Variants in GET4 observed in about 807,000 individuals in gnomAD.
GET4 encodes Golgi to ER traffic protein 4 homolog.
A neutral mutation model predicts 40.0 loss-of-function variants in GET4; 20 were observed. The observed-to-expected ratio is 0.50, with a 90% CI of 0.35 to 0.73. GET4 has a LOEUF of 0.73. Ranked by LOEUF, GET4 falls within the 30% of genes least tolerant of loss-of-function variation. The probability of loss-of-function intolerance (pLI) is 0.01; values close to 1 mark genes in which losing one functional copy is unlikely to be tolerated. For missense variants in GET4, 557 were observed against 454.0 expected, an observed-to-expected ratio of 1.23 and a Z score of -2.06; for synonymous variants, 280 against 194.6, an observed-to-expected ratio of 1.44 and a Z score of -3.65.
In GET4 at chr7:895,619, T is replaced by C. The variant is rs999277483; in HGVS notation, c.*197T>C. Reference sequence around the variant, plus strand: ...TCACTGTGCTGCTGGGACCCAAGAGTGGGGCGTCGCCCCTGCTGGCCGCCG... The same window carrying C: ...TCACTGTGCTGCTGGGACCCAAGAGCGGGGCGTCGCCCCTGCTGGCCGCCG... On this transcript the variant is annotated 3_prime_UTR_variant, in exon 9 of 9. Transcript: ENST00000265857. 2 of 439,794 alleles carry C rather than the reference T, an allele frequency of 4.5e-6. No individual in the cohort carries two copies. Among genetic ancestry groups the C allele is most frequent in the East Asian group, 3.7e-5 (1 of 27,378 alleles). 27.2% of individuals were successfully genotyped at this position (439,794 alleles called of 1,614,324 possible). A position where few individuals can be genotyped will look rare whatever the true frequency, so the allele number is the denominator to read the frequency against.
At chr7:878,542 C>T (rs1844015850) in intron 1 of GET4, among the ~76,000 whole-genome samples, 1 of 149,772 alleles carries the variant, frequency 6.7e-6, no homozygotes, top group Admixed American at 6.6e-5. Context: ...CAGTTTGGGC[C>T]TGGTTTTCAG....
In GET4 at chr7:876,786, G is replaced by C. The variant is rs765677102; in HGVS notation, c.141G>C (p.Arg47=). The part of the protein sequence containing the change: ...GDYYEAHQMY[R]TLFFRYMSQS... ...ACTACGAGGCGCACCAGATGTACCGGACCCTGTTCTTCAGGTACCCGCGCC... is the reference window on the plus strand; with the variant it reads ...ACTACGAGGCGCACCAGATGTACCGCACCCTGTTCTTCAGGTACCCGCGCC... The change falls in exon 1 of 9, where the codon CGG becomes CGC. Residue 47 remains arginine (R), a synonymous_variant. Transcript: ENST00000265857. The C allele has an allele frequency of 1.6e-6, 2 of 1,263,310 alleles. No individual in the cohort carries two copies. The highest frequency in any genetic ancestry group is 1.6e-5 in the African/African-American group (1 of 62,732). The allele number at this position is 1,263,310 out of a possible 1,614,324, so 78.3% of individuals were successfully genotyped here. A position where few individuals can be genotyped will look rare whatever the true frequency, so the allele number is the denominator to read the frequency against.
rs117800227 is a variant in GET4, at chr7:883,222, C to G, written c.156-2834C>G. On this transcript the variant is annotated intron_variant, in intron 1 of 8. Coordinates refer to ENST00000265857, the MANE Select transcript of GET4 (RefSeq NM_015949.3). ...AGCCCTGCGTCCGGGCGTGAGTGCG[C>G]TTTAGCTCGCGGCAGTCGGCGGAGG... 2,069 of 152,446 alleles carry G rather than the reference C, an allele frequency of 0.014. 59 individuals carry two copies. The East Asian group carries it at 0.14, about 10-fold the overall frequency. The allele number at this position is 152,446 out of a possible 1,614,324, so 9.4% of individuals were successfully genotyped here.
chr7:884,178 G>T (rs1048652075), intron 1 of GET4: 1 of 1,298,008 alleles, frequency 7.7e-7, no homozygotes, highest in Admixed American at 2.3e-5. Flanking sequence ...GCAGAAGCTG[G>T]TGTGGTGCTT....
chr7:885,766 C>T, intron 1 of GET4: 1 of 407,184 alleles, frequency 2.5e-6, no homozygotes, highest in Non-Finnish European at 4.5e-6. Context: ...CTTTCTGGTC[C>T]CAGCTACTGA....
chr7:894,097 T>C (rs1844411433), intron 8 of GET4, 126 bp downstream of exon 8: 1 of 598,036 alleles, frequency 1.7e-6, no homozygotes. Context: ...TAAATGTTTC[T>C]CAGTTTACTT....
chr7:893,889 T>G lies in GET4; in HGVS notation c.823-10T>G. 1.2e-6 allele frequency: 2 copies of G among 1,612,486 alleles called. No homozygotes were observed. The highest frequency in any genetic ancestry group is 1.7e-6 in the Non-Finnish European group (2 of 1,179,154). On this transcript the variant is annotated splice_polypyrimidine_tract_variant and intron_variant, in intron 7 of 8. Transcript: ENST00000265857. ...CCACCCCCTCTGAGCCCGCTGCCTG[T>G]GCCTTGCAGTACCTCGACCGCATAG...
In GET4 at chr7:877,272, C is replaced by T. The variant is rs542314212; in HGVS notation, c.155+472C>T. Among the ~76,000 whole-genome samples the T allele has an allele frequency of 1.9e-3, 280 of 147,374 alleles. 1 individual carries two copies. The highest frequency in any genetic ancestry group is 3.4e-3 in the Non-Finnish European group (224 of 66,336). Reference sequence around the variant, plus strand: ...CTCTCTCCCCGGCCTCTCCCGGCCCCTCGTCTCTCTGTCCTCGGCCTCTCC... The same window carrying T: ...CTCTCTCCCCGGCCTCTCCCGGCCCTTCGTCTCTCTGTCCTCGGCCTCTCC... On this transcript the variant is annotated intron_variant, in intron 1 of 8. Coordinates refer to ENST00000265857, the MANE Select transcript of GET4 (RefSeq NM_015949.3).
rs749535284 is a variant in GET4 at position 886,570 on chromosome 7, A to T, written c.236A>T (p.Gln79Leu). Residue 79 changes from glutamine to leucine, a missense_variant and splice_region_variant, in exon 3 of 9, where the codon CAA (glutamine) becomes CTA (leucine). By Grantham distance (113) the Gln-to-Leu change is moderately radical. Coordinates refer to ENST00000265857, the MANE Select transcript of GET4 (RefSeq NM_015949.3). ...CTTGTGTGTTGCTTTCTCTTGTAGC[A>T]AAACAGTGCAGCAGACTTGTCCATG... ...GALLFFSHGQ[Q>L]NSAADLSMLV... 1.6e-5 allele frequency: 26 copies of T among 1,610,544 alleles called. 1 individual carries two copies. Among genetic ancestry groups the T allele is most frequent in the Non-Finnish European group, 2.2e-5 (26 of 1,177,392 alleles).
chr7:882,307 C>G (rs1050174820), intron 1 of GET4: 1 of 152,240 alleles, frequency 6.6e-6, no homozygotes, highest in Non-Finnish European at 1.5e-5. Context: ...CAAGCGTTCC[C>G]AAGAGATGCC....
At chr7:877,117 C>T (rs904528447) in intron 1 of GET4, among the ~76,000 whole-genome samples, 1 of 151,758 alleles carries the variant, frequency 6.6e-6, no homozygotes, top group African/African-American at 2.4e-5. Flanking sequence ...GCCCCTCGGC[C>T]TTCCTCTGTC....
Position 886,151 on chromosome 7 carries a change from C to T in GET4, c.234+17C>T, listed in dbSNP as rs747527266. On this transcript the variant is annotated intron_variant, in intron 2 of 8. Coordinates refer to ENST00000265857, the MANE Select transcript of GET4 (RefSeq NM_015949.3). ...CATGGCCAGGTAAGCCGTCTTGCTT[C>T]CTCCTGCATCCCTTTCTGCTCCGGG... 5 of 1,518,122 alleles carry T rather than the reference C, an allele frequency of 3.3e-6. No individual in the cohort carries two copies. The highest frequency in any genetic ancestry group is 1.7e-5 in the Admixed American group (1 of 59,902). 94.0% of individuals were successfully genotyped at this position (1,518,122 alleles called of 1,614,324 possible).
Position 889,536 on chromosome 7 carries a change from C to T in GET4, c.467-1392C>T, listed in dbSNP as rs538887610. The stretch of plus-strand genomic sequence containing the variant: ...GGCCCTGGAGGCTCCTGTTGGGCAG[C>T]GCAGTCAGGAAAGGGCCCACTAGGT... On this transcript the variant is annotated intron_variant, in intron 4 of 8. Transcript: ENST00000265857. Among the ~76,000 whole-genome samples, 14 of 152,230 alleles carry T rather than the reference C, an allele frequency of 9.2e-5. No homozygotes were observed. The South Asian group carries it at 2.7e-3, about 29-fold the overall frequency.
At chr7:878,746 A>C (rs1844021151) in intron 1 of GET4, among the ~76,000 whole-genome samples, 1 of 151,726 alleles carries the variant, frequency 6.6e-6, no homozygotes, top group African/African-American at 2.4e-5. Context: ...ACCCCCGGCT[A>C]ATTTTTGTAT....
Position 887,474 on chromosome 7 carries a change from G to A in GET4, c.421G>A (p.Gly141Ser). ...GTCCAGTGGGGGCTCCGGGAAGCTG[G>A]GCCACCCCCGGCTGCACCAGCTGCT... Reference protein sequence around the residue: ...KWSSGGSGKLGHPRLHQLLAL... With the variant: ...KWSSGGSGKLSHPRLHQLLAL... The change falls in exon 4 of 9, where the codon GGC (glycine) becomes AGC (serine). Residue 141 changes from glycine to serine, a missense_variant. Coordinates refer to ENST00000265857, the MANE Select transcript of GET4 (RefSeq NM_015949.3). The A allele has an allele frequency of 6.3e-7, 1 of 1,583,874 alleles. No homozygotes were observed. The highest frequency in any genetic ancestry group is 2.3e-5 in the East Asian group (1 of 44,018).
In GET4 at chr7:892,316, T is replaced by G. The variant is rs145502500; in HGVS notation, c.644T>G (p.Val215Gly). ...AAAAACAAAAGTAGCGCATCGGTGGTCTTCACGACGTACACCCAGAAGCAC... is the reference window on the plus strand; with the variant it reads ...AAAAACAAAAGTAGCGCATCGGTGGGCTTCACGACGTACACCCAGAAGCAC... Reference protein sequence around the residue: ...CLKNKSSASVVFTTYTQKHPS... With the variant: ...CLKNKSSASVGFTTYTQKHPS... Residue 215 changes from valine to glycine, a missense_variant, in exon 6 of 9, where the codon GTC (valine) becomes GGC (glycine). Coordinates refer to ENST00000265857, the MANE Select transcript of GET4 (RefSeq NM_015949.3). 6.3e-7 allele frequency: 1 copy of G among 1,593,184 alleles called. No homozygotes were observed. The highest frequency in any genetic ancestry group is 8.6e-7 in the Non-Finnish European group (1 of 1,162,340).
chr7:876,723 G>A lies in GET4; in HGVS notation c.78G>A (p.Val26=). The change falls in exon 1 of 9, where the codon GTG becomes GTA. Residue 26 remains valine (V), a synonymous_variant. Transcript: ENST00000265857. ...GGRNRGGVQR[V]EGKLRASVEK... is the part of the protein sequence containing the mutation. The stretch of plus-strand genomic sequence containing the variant: ...GCAACCGCGGCGGCGTCCAGCGTGT[G>A]GAGGGCAAGCTGCGCGCCAGCGTCG... 7.3e-7 allele frequency: 1 copy of A among 1,379,104 alleles called. No homozygotes were observed. Among genetic ancestry groups the A allele is most frequent in the Non-Finnish European group, 9.5e-7 (1 of 1,050,934 alleles). The allele number at this position is 1,379,104 out of a possible 1,614,324, so 85.4% of individuals were successfully genotyped here.
At chr7:893,719 C>T (rs377557727) in intron 6 of GET4, 21 bp from the exon 7 acceptor site, 18 of 1,544,368 alleles carry the variant, frequency 1.2e-5, no homozygotes, top group South Asian at 4.5e-5. Flanking sequence ...CCCAGCACAT[C>T]CCTGTGTGTC....
chr7:877,325 TCC>T (rs1843980047), intron 1 of GET4, among the ~76,000 whole-genome samples: 1 of 53,284 alleles, frequency 1.9e-5, no homozygotes, highest in Admixed American at 2.5e-4. Flanking sequence ...CTCCCTGGCC[TCC>T]CCCTGCCCCT....
Sources: gnomAD v4.1 joint callset for allele counts (sites outside exome capture counted in the v4.1 genomes callset) on GRCh38, gnomAD v4.1.1 for gene constraint, MANE v1.5 for transcripts, NCBI Gene and HGNC (gene_info 2026-07-23, HGNC 2026-07-21) for gene names.